The following KCNK15 variants were observed in gnomAD, a reference collection of about 807,000 sequenced individuals.
The protein encoded by KCNK15 is potassium channel subfamily K member 15.
A neutral mutation model predicts 8.5 loss-of-function variants in KCNK15; 9 were observed. The ratio of observed to expected loss-of-function variants is 1.06; its 90% confidence interval spans 0.64 to 1.85. The LOEUF (loss-of-function observed/expected upper bound fraction) is 1.85. KCNK15 is among the 40% of genes most tolerant of loss of function. The pLI is 0.00. For synonymous variants in KCNK15, 224 were observed against 232.7 expected (o/e 0.96, Z 0.34); for missense variants, 467 against 476.8 (o/e 0.98, Z 0.19).
In KCNK15 at chr20:44,750,126, T is replaced by C. The variant is rs543387949; in HGVS notation, c.284-3T>C. 18 of 1,600,606 alleles carry C rather than the reference T, an allele frequency of 1.1e-5. 1 individual carries two copies. In the South Asian group the frequency reaches 1.9e-4, roughly 17 times the overall value. ...AGCCCTCCCCTCCGCTCTCCCTGCATAGAGTACGGCCACGCCGCGCCGGGT... is the reference window on the plus strand; with the variant it reads ...AGCCCTCCCCTCCGCTCTCCCTGCACAGAGTACGGCCACGCCGCGCCGGGT... On this transcript the variant is annotated splice_polypyrimidine_tract_variant and splice_region_variant and intron_variant, in intron 1 of 1. Transcript: ENST00000372861.
rs2066005501 is a variant in KCNK15, at chr20:44,746,079, G to A, written c.169G>A (p.Glu57Lys). The change falls in exon 1 of 2, where the codon GAG becomes AAG. Residue 57 changes from glutamate (E) to lysine (K), a missense_variant. Transcript: ENST00000372861. ...ALRRKFGFSA[E>K]DYRELERLAL... is the part of the protein sequence containing the mutation. ...CCGGAGGAAGTTCGGCTTCTCGGCC[G>A]AGGACTACCGCGAGCTGGAGCGCCT... 1.3e-6 allele frequency: 2 copies of A among 1,545,272 alleles called. No homozygotes were observed. The highest frequency in any genetic ancestry group is 3.8e-5 in the Admixed American group (2 of 51,960).
chr20:44,748,440 T>C (rs2066016231), intron 1 of KCNK15, among the ~76,000 whole-genome samples: 3 of 152,122 alleles, frequency 2.0e-5, no homozygotes, highest in Non-Finnish European at 2.9e-5. Context: ...AGTGCTGATA[T>C]TCTGAATAAG....
chr20:44,750,622 C>G lies in KCNK15; in HGVS notation c.777C>G (p.Arg259=). The G allele has an allele frequency of 6.3e-7, 1 of 1,592,468 alleles. No homozygotes were observed. Among genetic ancestry groups the G allele is most frequent in the South Asian group, 1.1e-5 (1 of 90,366 alleles). Residue 259 remains arginine (R), a synonymous_variant, in exon 2 of 2, where the codon CGC becomes CGG. Coordinates refer to ENST00000372861, the MANE Select transcript of KCNK15 (RefSeq NM_022358.4). ...CCGACTGGCCCGAGCGCGCTGCCCG[C>G]ACCCCCAGCCCGCGCCCCCCGGGGG... ...ASADWPERAA[R]TPSPRPPGAP...
rs980805591 is a variant in KCNK15 at position 44,745,976 on chromosome 20, C to T, written c.66C>T (p.Gly22=). 1 of 1,498,808 alleles carries T rather than the reference C, an allele frequency of 6.7e-7. No individual in the cohort carries two copies. The highest frequency in any genetic ancestry group is 8.9e-7 in the Non-Finnish European group (1 of 1,123,148). The allele number at this position is 1,498,808 out of a possible 1,614,324, so 92.8% of individuals were successfully genotyped here. The part of the protein sequence containing the change: ...VLCTLCYLLV[G]AAVFDALESE... ...GCACCCTGTGTTACCTGCTGGTGGGCGCTGCTGTCTTCGACGCGCTCGAGT... is the reference window on the plus strand; with the variant it reads ...GCACCCTGTGTTACCTGCTGGTGGGTGCTGCTGTCTTCGACGCGCTCGAGT... The change falls in exon 1 of 2, where the codon GGC becomes GGT. Residue 22 remains glycine, a synonymous_variant. Coordinates refer to ENST00000372861, the MANE Select transcript of KCNK15 (RefSeq NM_022358.4).
Position 44,750,205 on chromosome 20 carries a change from G to T in KCNK15, c.360G>T (p.Leu120=), listed in dbSNP as rs753212738. 1 of 1,612,714 alleles carries T rather than the reference G, an allele frequency of 6.2e-7. No homozygotes were observed. The highest frequency in any genetic ancestry group is 8.5e-7 in the Non-Finnish European group (1 of 1,179,716). ...TCTACGCGCTCCTGGGCATCCCGCT[G>T]ACGCTGGTCACTTTCCAGAGCCTGG... ...CMFYALLGIP[L]TLVTFQSLGE... is the part of the protein sequence containing the mutation. Residue 120 remains leucine (L), a synonymous_variant, in exon 2 of 2, where the codon CTG becomes CTT. Coordinates refer to ENST00000372861, the MANE Select transcript of KCNK15 (RefSeq NM_022358.4).
intron 1 of KCNK15, among the ~76,000 whole-genome samples, chr20:44,748,252 G>C (rs932087954): frequency 6.6e-6 from 1 of 152,014 alleles, no homozygotes; most frequent in Non-Finnish European, 1.5e-5. Context: ...TCTGGTCTAC[G>C]TCAGGCTCTG....
In KCNK15 at chr20:44,751,511, A is replaced by G. The variant is rs1486142196; in HGVS notation, c.*673A>G. ...CATGTCACTGGGGCCACTTGGACAC[A>G]GCAGAATGCCATGGGACGAGCTCTC... On this transcript the variant is annotated 3_prime_UTR_variant, in exon 2 of 2. Transcript: ENST00000372861. 1 of 152,234 alleles carries G rather than the reference A, an allele frequency of 6.6e-6. No individual in the cohort carries two copies. The highest frequency in any genetic ancestry group is 1.5e-5 in the Non-Finnish European group (1 of 68,054). The allele number at this position is 152,234 out of a possible 1,614,324, so 9.4% of individuals were successfully genotyped here.
chr20:44,750,541 C>A lies in KCNK15; in HGVS notation c.696C>A (p.Leu232=). ...AFSFLYILLG[L]TVIGAFLNLV... is the part of the protein sequence containing the mutation. ...GCTTCCTCTACATCCTCCTGGGGCT[C>A]ACGGTCATTGGCGCCTTCCTCAACC... The change falls in exon 2 of 2, where the codon CTC becomes CTA. Residue 232 remains leucine, a synonymous_variant. Transcript: ENST00000372861. 6.2e-7 allele frequency: 1 copy of A among 1,613,302 alleles called. No individual in the cohort carries two copies.
Position 44,750,543 on chromosome 20 carries a change from C to G in KCNK15, c.698C>G (p.Thr233Arg), listed in dbSNP as rs775083012. The change falls in exon 2 of 2, where the codon ACG becomes AGG. Residue 233 changes from threonine (T) to arginine (R), a missense_variant. Physicochemically the swap from Thr to Arg is moderately conservative, Grantham distance 71 (BLOSUM62 -1). Transcript: ENST00000372861. ...TTCCTCTACATCCTCCTGGGGCTCA[C>G]GGTCATTGGCGCCTTCCTCAACCTG... ...FSFLYILLGL[T>R]VIGAFLNLVV... 1 of 1,610,078 alleles carries G rather than the reference C, an allele frequency of 6.2e-7. No individual in the cohort carries two copies. The highest frequency in any genetic ancestry group is 1.7e-5 in the Admixed American group (1 of 59,366).
At chr20:44,748,339 C>T (rs1318897791) in intron 1 of KCNK15, among the ~76,000 whole-genome samples, 2 of 152,260 alleles carry the variant, frequency 1.3e-5, no homozygotes, top group African/African-American at 2.4e-5. Context: ...GATGAGCAGA[C>T]CCCCTTTCTC....
intron 1 of KCNK15, among the ~76,000 whole-genome samples, chr20:44,748,558 C>G (rs1240869259): frequency 6.6e-6 from 1 of 152,188 alleles, no homozygotes; most frequent in Non-Finnish European, 1.5e-5. Flanking sequence ...CTTCCTGGGT[C>G]AAATACAGTT....
Position 44,750,126 on chromosome 20 carries a change from T to G in KCNK15, c.284-3T>G. 6.2e-7 allele frequency: 1 copy of G among 1,600,606 alleles called. No homozygotes were observed. The highest frequency in any genetic ancestry group is 1.3e-5 in the African/African-American group (1 of 74,906). ...AGCCCTCCCCTCCGCTCTCCCTGCA[T>G]AGAGTACGGCCACGCCGCGCCGGGT... is the stretch of plus-strand genomic sequence containing the variant. On this transcript the variant is annotated splice_polypyrimidine_tract_variant and splice_region_variant and intron_variant, in intron 1 of 1. Coordinates refer to ENST00000372861, the MANE Select transcript of KCNK15 (RefSeq NM_022358.4).
chr20:44,746,477 G>T (rs2066008524), intron 1 of KCNK15, among the ~76,000 whole-genome samples: 1 of 152,168 alleles, frequency 6.6e-6, no homozygotes, highest in African/African-American at 2.4e-5. Context: ...ACGTCCAAGG[G>T]GCTTGGAGAT....
rs1025046742 is a variant in KCNK15, at chr20:44,746,212, C to A, written c.283+19C>A. The A allele has an allele frequency of 2.2e-6, 3 of 1,369,462 alleles. No individual in the cohort carries two copies. The highest frequency in any genetic ancestry group is 3.0e-5 in the African/African-American group (2 of 66,448). 84.8% of individuals were successfully genotyped at this position (1,369,462 alleles called of 1,614,324 possible). On this transcript the variant is annotated intron_variant, in intron 1 of 1. Coordinates refer to ENST00000372861, the MANE Select transcript of KCNK15 (RefSeq NM_022358.4). ...ACCATCGGTGAGCCGCCCGGAGCCT[C>A]CCTCCGCGCCCGCTCCAGCCCCAGC...
chr20:44,750,392 G>A lies in KCNK15; in HGVS notation c.547G>A (p.Gly183Ser), dbSNP rs769338891. ...GGCCGTCGCCTTCTCGCACTTCGAG[G>A]GCTGGACCTTCTTCCACGCCTACTA... is the stretch of plus-strand genomic sequence containing the variant. The part of the protein sequence containing the change: ...LGAVAFSHFE[G>S]WTFFHAYYYC... Residue 183 changes from glycine to serine, a missense_variant, in exon 2 of 2, where the codon GGC (glycine) becomes AGC (serine). Around this residue, in one of 2 missense-constraint regions of KCNK15, gnomAD observed 455 missense variants for 441.2 expected, o/e 1.03. Coordinates refer to ENST00000372861, the MANE Select transcript of KCNK15 (RefSeq NM_022358.4). 1.9e-5 allele frequency: 30 copies of A among 1,613,798 alleles called. No homozygotes were observed. The highest frequency in any genetic ancestry group is 2.5e-5 in the Non-Finnish European group (30 of 1,179,886).
chr20:44,751,196 G>C lies in KCNK15; in HGVS notation c.*358G>C, dbSNP rs192022773. On this transcript the variant is annotated 3_prime_UTR_variant, in exon 2 of 2. Coordinates refer to ENST00000372861, the MANE Select transcript of KCNK15 (RefSeq NM_022358.4). Reference sequence around the variant, plus strand: ...TGAAGAGGCTGGTTTTCTGAGTAACGGTTGAAATGTGCAACTTTCAACACT... The same window carrying C: ...TGAAGAGGCTGGTTTTCTGAGTAACCGTTGAAATGTGCAACTTTCAACACT... 1.1e-5 allele frequency: 2 copies of C among 177,406 alleles called. No individual in the cohort carries two copies. Among genetic ancestry groups the C allele is most frequent in the African/African-American group, 2.4e-5 (1 of 42,132 alleles). The allele number at this position is 177,406 out of a possible 1,614,324, so 11.0% of individuals were successfully genotyped here.
Position 44,750,880 on chromosome 20 carries a change from C to A in KCNK15, c.*42C>A. The A allele has an allele frequency of 7.9e-7, 1 of 1,265,702 alleles. No individual in the cohort carries two copies. Among genetic ancestry groups the A allele is most frequent in the Non-Finnish European group, 1.0e-6 (1 of 984,662 alleles). The allele number at this position is 1,265,702 out of a possible 1,614,324, so 78.4% of individuals were successfully genotyped here. On this transcript the variant is annotated 3_prime_UTR_variant, in exon 2 of 2. Transcript: ENST00000372861. ...AGGGTCGAATCTGGAATGGGAGGGT[C>A]TGGCTTCAGCTATCAGGGCACCCTC... is the stretch of plus-strand genomic sequence containing the variant.
chr20:44,747,640 A>C (rs1292530076), intron 1 of KCNK15, among the ~76,000 whole-genome samples: 2 of 152,166 alleles, frequency 1.3e-5, no homozygotes, highest in African/African-American at 4.8e-5. Context: ...TGGGAGGCTG[A>C]TGTAAGAGAC....
intron 1 of KCNK15, 81 bp from the exon 2 acceptor site, chr20:44,750,048 C>A: frequency 1.5e-6 from 2 of 1,336,722 alleles, no homozygotes; most frequent in East Asian, 2.5e-5. Context: ...GAGGGACACG[C>A]CGGGCAGGCA....
Sources: gnomAD v4.1 joint callset for allele counts (sites outside exome capture counted in the v4.1 genomes callset) on GRCh38, gnomAD v4.1.1 for gene constraint, gnomAD v4.1.1 regional missense constraint, MANE v1.5 for transcripts, NCBI Gene and HGNC (gene_info 2026-07-23, HGNC 2026-07-21) for gene names.